Variants in CRISPLD2 observed in about 807,000 individuals in gnomAD.
CRISPLD2 encodes the protein cysteine rich secretory protein LCCL domain containing 2.
Under a neutral mutation model 71.1 loss-of-function variants are expected in CRISPLD2, and 47 were observed. The ratio of observed to expected loss-of-function variants is 0.66; its 90% CI spans 0.52 to 0.84. CRISPLD2 has a LOEUF of 0.84. Ranked by LOEUF, CRISPLD2 falls within the 40% of genes least tolerant of loss-of-function variation. The probability of loss-of-function intolerance (pLI) is 0.00; values close to 1 mark genes in which losing one functional copy is unlikely to be tolerated. For synonymous variants in CRISPLD2, 317 were observed against 250.1 expected (o/e 1.27, Z -2.52); for missense variants, 830 against 651.1 (o/e 1.27, Z -2.99).
intron 1 of CRISPLD2, among the ~76,000 whole-genome samples, chr16:84,837,057 G>T (rs1037956320): frequency 1.6e-4 from 24 of 152,174 alleles, no homozygotes; most frequent in African/African-American, 2.4e-5. Flanking sequence ...CGCATCCCCA[G>T]TCTCCATCTC....
intron 1 of CRISPLD2, among the ~76,000 whole-genome samples, chr16:84,837,124 C>T (rs1386564798): frequency 1.3e-5 from 2 of 152,230 alleles, no homozygotes; most frequent in African/African-American, 2.4e-5. Context: ...CCCGACTCTC[C>T]CCTGCGAGGA....
At chr16:84,885,394 G>A (rs1045824678) in intron 13 of CRISPLD2, among the ~76,000 whole-genome samples, 2 of 152,234 alleles carry the variant, frequency 1.3e-5, no homozygotes, top group East Asian at 1.9e-4. Context: ...TGAGAATTGA[G>A]AAGTTGTGGA....
intron 13 of CRISPLD2, among the ~76,000 whole-genome samples, chr16:84,885,945 T>A (rs1413646376): frequency 6.6e-6 from 1 of 151,086 alleles, no homozygotes; most frequent in Non-Finnish European, 1.5e-5. Flanking sequence ...CAGCCACCCG[T>A]GTAGCTGGAA....
chr16:84,893,124 G>A lies in CRISPLD2; in HGVS notation c.1439+3761G>A, dbSNP rs548680078. 3.2e-3 allele frequency among the ~76,000 whole-genome samples: 481 copies of A among 152,190 alleles called. 4 individuals carry two copies. The highest frequency in any genetic ancestry group is 0.011 in the African/African-American group (469 of 41,526). Reference sequence around the variant, plus strand: ...GAGCCCCCAACAGGGTGATGGCCGGGACAGTATGTGGCGCCCGCTGCACTG... The same window carrying A: ...GAGCCCCCAACAGGGTGATGGCCGGAACAGTATGTGGCGCCCGCTGCACTG... On this transcript the variant is annotated intron_variant, in intron 14 of 14. Coordinates refer to ENST00000262424, the MANE Select transcript of CRISPLD2 (RefSeq NM_031476.4).
At chr16:84,883,867 G>A (rs531878172) in intron 13 of CRISPLD2, among the ~76,000 whole-genome samples, 3 of 141,848 alleles carry the variant, frequency 2.1e-5, no homozygotes, top group East Asian at 2.0e-4. Flanking sequence ...TTTTTGAGAC[G>A]GAGTCTTACT....
rs1383158693 is a variant in CRISPLD2 at position 84,906,995 on chromosome 16, C to A, written c.*353C>A. 3.3e-6 allele frequency: 1 copy of A among 306,528 alleles called. No individual in the cohort carries two copies. Among genetic ancestry groups the A allele is most frequent in the African/African-American group, 2.2e-5 (1 of 45,412 alleles). 19.0% of individuals were successfully genotyped at this position (306,528 alleles called of 1,614,324 possible). A position where few individuals can be genotyped will look rare whatever the true frequency, so the allele number is the denominator to read the frequency against. ...GTTGGTGGAGGAAGTTGATTTCAAC[C>A]TCCCTGCCAAAAGAACAAACCATTT... On this transcript the variant is annotated 3_prime_UTR_variant, in exon 15 of 15. Transcript: ENST00000262424.
chr16:84,835,656 C>T (rs1249369055), intron 1 of CRISPLD2, among the ~76,000 whole-genome samples: 1 of 152,192 alleles, frequency 6.6e-6, no homozygotes, highest in Non-Finnish European at 1.5e-5. Flanking sequence ...CTCCCCTTTT[C>T]CTTCTGTTGT....
At chr16:84,823,771 GA>G (rs1387598222) in intron 1 of CRISPLD2, among the ~76,000 whole-genome samples, 5 of 151,966 alleles carry the variant, frequency 3.3e-5, no homozygotes, top group Non-Finnish European at 5.9e-5. Flanking sequence ...GAGTCAGAGG[GA>G]AAAAAAACGT....
At chr16:84,882,293 G>A (rs4783093) in intron 13 of CRISPLD2, among the ~76,000 whole-genome samples, 23,203 of 116,706 alleles carry the variant, frequency 0.2, 2,093 homozygotes, top group Admixed American at 0.28. Context: ...CAATTTACAG[G>A]AAAAGGAATA....
At chr16:84,891,143 T>C (rs768482221) in intron 14 of CRISPLD2, among the ~76,000 whole-genome samples, 2 of 152,190 alleles carry the variant, frequency 1.3e-5, no homozygotes, top group Non-Finnish European at 2.9e-5. Context: ...CATTAACATA[T>C]GGATTTTGAG....
At position 84,823,990 on chromosome 16, in the gene CRISPLD2, A is replaced by G. The variant is rs750637184; in HGVS notation, c.-75+3857A>G. Among the ~76,000 whole-genome samples, 322 of 152,294 alleles carry G rather than the reference A, an allele frequency of 2.1e-3. 2 individuals carry two copies. The highest frequency in any genetic ancestry group is 1.9e-3 in the Non-Finnish European group (127 of 68,022). ...CCCAAATATTTTTTGAATAGGGAAA[A>G]GACTCAACTGGACCCCTCTAAGGAC... is the stretch of plus-strand genomic sequence containing the variant. On this transcript the variant is annotated intron_variant, in intron 1 of 14. Transcript: ENST00000262424.
chr16:84,821,413 C>A (rs138092778), intron 1 of CRISPLD2, among the ~76,000 whole-genome samples: 1 of 152,204 alleles, frequency 6.6e-6, no homozygotes, highest in Non-Finnish European at 1.5e-5. Flanking sequence ...CTGTGCCACG[C>A]AGTTTACCTG....
intron 2 of CRISPLD2, among the ~76,000 whole-genome samples, chr16:84,840,541 C>G (rs1324024106): frequency 6.6e-6 from 1 of 152,136 alleles, no homozygotes; most frequent in African/African-American, 2.4e-5. Context: ...GAGTGTTGCC[C>G]TGTCGTCCAG....
At chr16:84,824,035 G>A (rs1343137756) in intron 1 of CRISPLD2, among the ~76,000 whole-genome samples, 1 of 152,152 alleles carries the variant, frequency 6.6e-6, no homozygotes, top group Non-Finnish European at 1.5e-5. Context: ...GCATGGAGCT[G>A]GCATCTTCTG....
intron 5 of CRISPLD2, 53 bp downstream of exon 5, chr16:84,850,736 G>A (rs1917066651): frequency 2.1e-6 from 3 of 1,407,714 alleles, no homozygotes; most frequent in Admixed American, 1.7e-5. Flanking sequence ...GTGTTTGCTT[G>A]CCAGGGAGCA....
chr16:84,853,312 C>A (rs934400835), intron 5 of CRISPLD2, among the ~76,000 whole-genome samples: 3 of 152,308 alleles, frequency 2.0e-5, no homozygotes, highest in Admixed American at 6.5e-5. Flanking sequence ...ACCTCTCGGT[C>A]CCTTGGTGAT....
chr16:84,889,074 C>G (rs1258415934), intron 13 of CRISPLD2, among the ~76,000 whole-genome samples, 156 bp from the exon 14 acceptor site: 1 of 152,122 alleles, frequency 6.6e-6, no homozygotes, highest in Non-Finnish European at 1.5e-5. Flanking sequence ...TGGAGAGACC[C>G]CCAAGGCATC....
At chr16:84,846,545 C>A (rs1012067935) in intron 3 of CRISPLD2, among the ~76,000 whole-genome samples, 1 of 152,086 alleles carries the variant, frequency 6.6e-6, no homozygotes, top group South Asian at 2.1e-4. Flanking sequence ...TGAGCCACCG[C>A]GCCTGGCCTG....
intron 10 of CRISPLD2, 175 bp downstream of exon 10, chr16:84,873,297 G>C (rs945354538): frequency 3.3e-6 from 2 of 604,194 alleles, no homozygotes; most frequent in African/African-American, 1.9e-5. Flanking sequence ...GACCAACATG[G>C]TGAAAGTCCG....
Sources: allele counts gnomAD v4.1 joint callset (sites outside exome capture counted in the v4.1 genomes callset), GRCh38; gene constraint gnomAD v4.1.1; transcripts MANE v1.5; gene names NCBI Gene and HGNC (gene_info 2026-07-23, HGNC 2026-07-21).